GBX1: variants seen among roughly 807,000 people sequenced by gnomAD.
The protein encoded by GBX1 is gastrulation brain homeobox 1.
A neutral mutation model predicts 22.9 loss-of-function variants in GBX1; 9 were observed. The ratio of observed to expected loss-of-function variants is 0.39; its 90% confidence interval spans 0.24 to 0.69. GBX1 has a LOEUF of 0.69. Among genes scored for constraint, GBX1 ranks in the 30% least tolerant of loss-of-function variants. GBX1 has a pLI of 0.43. For synonymous variants in GBX1, 203 were observed against 227.3 expected (o/e 0.89, Z 0.96); for missense variants, 494 against 509.2 (o/e 0.97, Z 0.29).
In GBX1 at chr7:151,167,176, C is replaced by T. The variant is rs781559102; in HGVS notation, c.373G>A (p.Ala125Thr). 2.0e-5 allele frequency: 31 copies of T among 1,574,880 alleles called. No individual in the cohort carries two copies. Among genetic ancestry groups the T allele is most frequent in the Middle Eastern group, 3.7e-4 (2 of 5,478 alleles). ...GCGGCAGTGGCGGCGGCGGCGGCAG[C>T]GGCGGCGGCGAGCTCCTGGGGCCCG... The part of the protein sequence containing the change: ...FYGPQELAAA[A>T]AAAAATAARN... Residue 125 changes from alanine to threonine, a missense_variant, in exon 1 of 2, where the codon GCT becomes ACT. Transcript: ENST00000297537. The surrounding 1 kb of genome is among the most constrained non-coding windows in gnomAD (Gnocchi z 5.9).
chr7:151,154,495 T>G (rs910670683), intron 1 of GBX1, among the ~76,000 whole-genome samples: 5 of 152,240 alleles, frequency 3.3e-5, no homozygotes. Context: ...ATAAGAAGAC[T>G]ATATTGAGTT....
Position 151,167,487 on chromosome 7 carries a change from G to C in GBX1, c.62C>G (p.Pro21Arg), listed in dbSNP as rs1318418440. The C allele has an allele frequency of 6.7e-7, 1 of 1,489,956 alleles. No individual in the cohort carries two copies. Among genetic ancestry groups the C allele is most frequent in the Non-Finnish European group, 8.9e-7 (1 of 1,128,002 alleles). 92.3% of individuals were successfully genotyped at this position (1,489,956 alleles called of 1,614,324 possible). A position where few individuals can be genotyped will look rare whatever the true frequency, so the allele number is the denominator to read the frequency against. The change falls in exon 1 of 2, where the codon CCG becomes CGG. Residue 21 changes from proline (P) to arginine (R), a missense_variant. Pro to Arg is a moderately radical substitution (Grantham distance 103). Transcript: ENST00000297537. This position sits in a 1 kb window ranked among gnomAD's most constrained non-coding sequence, Gnocchi z 5.9. ...GGAGTCGATGGAGAAGGCAGTGCCC[G>C]GGCCCCCGCCGCCGCCCCCGCCGTT... ...GGNGGGGGGG[P>R]GTAFSIDSLI...
rs71533521 is a variant in GBX1 at position 151,164,776 on chromosome 7, C to CTTTTTTT, written c.538+2228_538+2234dup. The stretch of plus-strand genomic sequence containing the variant: ...CTCCAAGAACAACACAAATTTCCCT[C>CTTTTTTT]TTTTTTTTTTTTTTTTTTTTGCTTT... On this transcript the variant is annotated intron_variant, in intron 1 of 1. Coordinates refer to ENST00000297537, the MANE Select transcript of GBX1 (RefSeq NM_001098834.3). Among the ~76,000 whole-genome samples the CTTTTTTT allele has an allele frequency of 1.6e-3, 166 of 104,388 alleles. 4 individuals are homozygous for CTTTTTTT. Among genetic ancestry groups the CTTTTTTT allele is most frequent in the Middle Eastern group, 6.8e-3 (1 of 148 alleles). 68.5% of individuals were successfully genotyped at this position (104,388 alleles called of 152,430 possible). A position where few individuals can be genotyped will look rare whatever the true frequency, so the allele number is the denominator to read the frequency against.
At chr7:151,150,509 C>T (rs1801064979) in intron 1 of GBX1, among the ~76,000 whole-genome samples, 1 of 152,092 alleles carries the variant, frequency 6.6e-6, no homozygotes, top group Admixed American at 6.5e-5. Flanking sequence ...GAATACAACT[C>T]CAAGTAAACT....
chr7:151,148,799 G>C lies in GBX1; in HGVS notation c.882C>G (p.Ile294Met). ...CCTCACTGAGCTTGAGGGCGTGGGC[G>C]ATCTGAGAGCGCTCTGTCAAGCTCA... is the stretch of plus-strand genomic sequence containing the variant. ...KYLSLTERSQIAHALKLSEVQ... is the reference protein window; with the variant it reads ...KYLSLTERSQMAHALKLSEVQ... The change falls in exon 2 of 2, where the codon ATC (isoleucine) becomes ATG (methionine). Residue 294 changes from isoleucine (I) to methionine (M), a missense_variant. Coordinates refer to ENST00000297537, the MANE Select transcript of GBX1 (RefSeq NM_001098834.3). This position sits in a 1 kb window ranked among gnomAD's most constrained non-coding sequence, Gnocchi z 5.1. 1.9e-6 allele frequency: 3 copies of C among 1,614,170 alleles called. No homozygotes were observed. The highest frequency in any genetic ancestry group is 2.5e-6 in the Non-Finnish European group (3 of 1,180,030).
At position 151,167,165 on chromosome 7, in the gene GBX1, GGCGGCGGCA is replaced by G. The variant is rs756243397; in HGVS notation, c.375_383del (p.Ala128_Ala130del). The G allele has an allele frequency of 3.9e-4, 628 of 1,590,278 alleles. 1 individual carries two copies. The highest frequency in any genetic ancestry group is 3.2e-3 in the Middle Eastern group (18 of 5,572). On this transcript the variant is annotated inframe_deletion, in exon 1 of 2. Transcript: ENST00000297537. This position sits in a 1 kb window ranked among gnomAD's most constrained non-coding sequence, Gnocchi z 5.9. ...GGTTGTTTCGGGCGGCAGTGGCGGCGGCGGCGGCAGCGGCGGCGGCGAGCTCCTGGGGCC... is the reference window on the plus strand; with the variant it reads ...GGTTGTTTCGGGCGGCAGTGGCGGCGGCGGCGGCGGCGAGCTCCTGGGGCC...
rs1284475754 is a variant in GBX1, at chr7:151,148,735, A to G, written c.946T>C (p.Trp316Arg). The G allele has an allele frequency of 6.2e-7, 1 of 1,613,788 alleles. No individual in the cohort carries two copies. The highest frequency in any genetic ancestry group is 2.2e-5 in the East Asian group (1 of 44,878). ...ACATTGCCAGCTTTGATGCGCTTCC[A>G]CTTGGCCCGTCGATTCTGAAACCAG... ...KIWFQNRRAK[W>R]KRIKAGNVSS... Residue 316 changes from tryptophan to arginine, a missense_variant, in exon 2 of 2, where the codon TGG becomes CGG. Physicochemically the swap from Trp to Arg is moderately radical, Grantham distance 101. Around this residue, in one of 3 missense-constraint regions of GBX1, gnomAD observed 124 missense variants for 152.0 expected, o/e 0.82. Coordinates refer to ENST00000297537, the MANE Select transcript of GBX1 (RefSeq NM_001098834.3). This position sits in a 1 kb window ranked among gnomAD's most constrained non-coding sequence, Gnocchi z 5.1.
At chr7:151,149,850 GT>G in intron 1 of GBX1, 1 of 446,700 alleles carries the variant, frequency 2.2e-6, no homozygotes, top group Non-Finnish European at 4.5e-6. Flanking sequence ...TTTTCTCCCA[GT>G]TACTTAGGCC....
At position 151,167,297 on chromosome 7, in the gene GBX1, G is replaced by C. The variant is rs750764478; in HGVS notation, c.252C>G (p.Thr84=). ...APLASFAGRL[T]NTFCAGLGQA... ...GACCCAGCCCCGCGCAGAAGGTGTT[G>C]GTAAGGCGGCCGGCGAAAGAGGCTA... Residue 84 remains threonine, a synonymous_variant, in exon 1 of 2, where the codon ACC becomes ACG. Coordinates refer to ENST00000297537, the MANE Select transcript of GBX1 (RefSeq NM_001098834.3). The surrounding 1 kb of genome is among the most constrained non-coding windows in gnomAD (Gnocchi z 5.9). 46 of 1,528,982 alleles carry C rather than the reference G, an allele frequency of 3.0e-5. No homozygotes were observed. The highest frequency in any genetic ancestry group is 1.7e-4 in the Middle Eastern group (1 of 5,816). The allele number at this position is 1,528,982 out of a possible 1,614,324, so 94.7% of individuals were successfully genotyped here. A position where few individuals can be genotyped will look rare whatever the true frequency, so the allele number is the denominator to read the frequency against.
chr7:151,166,992 G>C lies in GBX1; in HGVS notation c.538+19C>G. On this transcript the variant is annotated intron_variant, in intron 1 of 1. Coordinates refer to ENST00000297537, the MANE Select transcript of GBX1 (RefSeq NM_001098834.3). ...GGTGAACCGGCCTCCCGCCAGCCCT[G>C]GTCGGCCCTAGCACTTACCGGGCAG... 3.1e-6 allele frequency: 5 copies of C among 1,601,314 alleles called. No homozygotes were observed. The highest frequency in any genetic ancestry group is 4.3e-6 in the Non-Finnish European group (5 of 1,175,178).
At chr7:151,158,802 A>G (rs1226760143) in intron 1 of GBX1, among the ~76,000 whole-genome samples, 1 of 152,192 alleles carries the variant, frequency 6.6e-6, no homozygotes, top group Non-Finnish European at 1.5e-5. Context: ...AGCGCCTCAC[A>G]TATTTCCAAG....
At chr7:151,161,973 A>G (rs1046732876) in intron 1 of GBX1, among the ~76,000 whole-genome samples, 9 of 152,234 alleles carry the variant, frequency 5.9e-5, no homozygotes, top group Non-Finnish European at 1.2e-4. Flanking sequence ...TGTGTCTCAA[A>G]TATACTAAGT....
chr7:151,154,927 G>A (rs1368166210), intron 1 of GBX1, among the ~76,000 whole-genome samples: 1 of 152,194 alleles, frequency 6.6e-6, no homozygotes, highest in Non-Finnish European at 1.5e-5. Context: ...GGAGGCCTGC[G>A]CTAGAGGCAC....
chr7:151,154,376 T>G (rs1801111901), intron 1 of GBX1, among the ~76,000 whole-genome samples: 1 of 152,238 alleles, frequency 6.6e-6, no homozygotes, highest in South Asian at 2.1e-4. Context: ...ATGAGAATAC[T>G]TCAGCAAAAT....
intron 1 of GBX1, among the ~76,000 whole-genome samples, chr7:151,166,488 A>G (rs868556421): frequency 2.0e-4 from 10 of 50,354 alleles, no homozygotes; most frequent in Non-Finnish European, 1.3e-4. Flanking sequence ...CCCCCCCCCA[A>G]CACACACACA....
At chr7:151,153,255 G>C (rs1424711387) in intron 1 of GBX1, among the ~76,000 whole-genome samples, 4 of 152,194 alleles carry the variant, frequency 2.6e-5, no homozygotes, top group African/African-American at 9.7e-5. Context: ...CCAGAATACT[G>C]ATACATTTGA....
chr7:151,161,184 A>C (rs4725395), intron 1 of GBX1, among the ~76,000 whole-genome samples: 1 of 151,914 alleles, frequency 6.6e-6, no homozygotes, highest in Non-Finnish European at 1.5e-5. Context: ...CTTCTTTCCA[A>C]TTAAAATATT....
chr7:151,162,957 G>A (rs1433550950), intron 1 of GBX1, among the ~76,000 whole-genome samples: 1 of 151,866 alleles, frequency 6.6e-6, no homozygotes, highest in African/African-American at 2.4e-5. Context: ...CAGGCATGCG[G>A]CACTAAGCCC....
intron 1 of GBX1, among the ~76,000 whole-genome samples, chr7:151,162,607 T>C (rs1284361683): frequency 6.6e-6 from 1 of 152,212 alleles, no homozygotes; most frequent in Non-Finnish European, 1.5e-5. Flanking sequence ...ACTACAAATG[T>C]TTTCTTCACT....
Sources: gnomAD v4.1 joint callset for allele counts (sites outside exome capture counted in the v4.1 genomes callset) on GRCh38, gnomAD v4.1.1 for gene constraint, gnomAD v4.1.1 regional missense constraint, Gnocchi (gnomAD v3.1) non-coding constraint, MANE v1.5 for transcripts, NCBI Gene and HGNC (gene_info 2026-07-23, HGNC 2026-07-21) for gene names.